ATP5MG: variants seen among roughly 807,000 people sequenced by gnomAD.
The protein encoded by ATP5MG is ATP synthase F(0) complex subunit g, mitochondrial.
ATP5MG carries 7 observed loss-of-function variants against 12.7 expected under a neutral mutation model. The observed-to-expected ratio is 0.55, with a 90% CI of 0.31 to 1.04. ATP5MG has a LOEUF of 1.04. ATP5MG is among the 50% of genes least tolerant of loss of function. The pLI is 0.05. For synonymous variants in ATP5MG, 53 were observed against 48.2 expected (o/e 1.10, Z -0.41); for missense variants, 116 against 126.7 (o/e 0.92, Z 0.41).
At chr11:118,401,885 C>T in intron 1 of ATP5MG, 168 bp downstream of exon 1, 1 of 729,766 alleles carries the variant, frequency 1.4e-6, no homozygotes, top group Non-Finnish European at 2.2e-6. Flanking sequence ...CTTTTCTAGC[C>T]TTCCACTCGT....
At chr11:118,408,420 G>A (rs1260648210) in intron 2 of ATP5MG, among the ~76,000 whole-genome samples, 8 of 152,108 alleles carry the variant, frequency 5.3e-5, no homozygotes, top group Admixed American at 5.2e-4. Flanking sequence ...CCATATTATT[G>A]CTCCATGTAT....
At chr11:118,405,401 C>G (rs9666463) in intron 1 of ATP5MG, among the ~76,000 whole-genome samples, 23,451 of 152,102 alleles carry the variant, frequency 0.15, 2,385 homozygotes, top group East Asian at 0.51. Flanking sequence ...CCTGTAACAT[C>G]ACTCAACCTC....
chr11:118,407,108 G>A lies in ATP5MG; in HGVS notation c.213+11G>A, dbSNP rs782432403. On this transcript the variant is annotated intron_variant, in intron 2 of 2. Transcript: ENST00000300688. The stretch of plus-strand genomic sequence containing the variant: ...CAGCTCACAGTTAAGGTAACCACGG[G>A]CTAAATGAAAACGGATGTGCATAAC... The A allele has an allele frequency of 3.7e-6, 6 of 1,613,626 alleles. No individual in the cohort carries two copies. The African/African-American group carries it at 8.0e-5, about 22-fold the overall frequency.
At position 118,406,977 on chromosome 11, in the gene ATP5MG, GT is replaced by G. The variant is rs1948977506; in HGVS notation, c.94del (p.Tyr32ThrfsTer22). On this transcript the variant is annotated frameshift_variant, in exon 2 of 3. Transcript: ENST00000300688. LOFTEE classifies it high-confidence loss of function. ...YSKPRLATFW[Y>X]YAKVELVPPT... is the part of the protein sequence containing the mutation. Reference sequence around the variant, plus strand: ...CGAAGCCTCGATTGGCCACATTTTGGTACTACGCCAAGGTTGAGCTGGTTCC... The same window carrying G: ...CGAAGCCTCGATTGGCCACATTTTGGACTACGCCAAGGTTGAGCTGGTTCC... The G allele has an allele frequency of 6.2e-7, 1 of 1,613,482 alleles. No homozygotes were observed. The highest frequency in any genetic ancestry group is 8.5e-7 in the Non-Finnish European group (1 of 1,179,742).
intron 1 of ATP5MG, among the ~76,000 whole-genome samples, chr11:118,403,160 T>C (rs1948943800): frequency 6.6e-6 from 1 of 152,222 alleles, no homozygotes; most frequent in African/African-American, 2.4e-5. Context: ...TTTACTAAGA[T>C]TGTTAAGATA....
intron 2 of ATP5MG, among the ~76,000 whole-genome samples, chr11:118,408,752 T>A (rs1948993068): frequency 6.6e-6 from 1 of 152,128 alleles, no homozygotes; most frequent in Non-Finnish European, 1.5e-5. Context: ...TAAAGAATGC[T>A]TTGAAAGAAT....
rs920968052 is a variant in ATP5MG at position 118,406,396 on chromosome 11, T to C, written c.53-541T>C. 3 of 154,114 alleles carry C rather than the reference T, an allele frequency of 1.9e-5. No homozygotes were observed. In the South Asian group the frequency reaches 6.0e-4, roughly 31 times the overall value. 9.5% of individuals were successfully genotyped at this position (154,114 alleles called of 1,614,324 possible). A position where few individuals can be genotyped will look rare whatever the true frequency, so the allele number is the denominator to read the frequency against. On this transcript the variant is annotated intron_variant, in intron 1 of 2. Coordinates refer to ENST00000300688, the MANE Select transcript of ATP5MG (RefSeq NM_006476.5). ...CAGCTGTGCTTTTGTCAGAGAAACA[T>C]TTAATCCAGCACATATTGATGAGGA...
chr11:118,408,128 C>T (rs1555132441), intron 2 of ATP5MG, among the ~76,000 whole-genome samples: 1 of 151,816 alleles, frequency 6.6e-6, no homozygotes, highest in East Asian at 1.9e-4. Context: ...CGCCACTGCA[C>T]TCCAGCCTGG....
intron 2 of ATP5MG, 156 bp downstream of exon 2, chr11:118,407,253 T>G: frequency 9.1e-7 from 1 of 1,103,194 alleles, no homozygotes; most frequent in Non-Finnish European, 1.3e-6. Context: ...TACTTACTTT[T>G]CTAATTTTGT....
chr11:118,404,387 T>C (rs1355437672), intron 1 of ATP5MG, among the ~76,000 whole-genome samples: 1 of 152,228 alleles, frequency 6.6e-6, no homozygotes, highest in Non-Finnish European at 1.5e-5. Context: ...TTAGTTTCTA[T>C]GTCTTCCCAA....
At chr11:118,406,455 C>T (rs2134127940) in intron 1 of ATP5MG, 1 of 165,308 alleles carries the variant, frequency 6.0e-6, no homozygotes, top group East Asian at 1.6e-4. Context: ...TTAATTCCAT[C>T]TGGATTTGTG....
intron 2 of ATP5MG, chr11:118,407,355 T>C (rs1256210053): frequency 6.7e-6 from 3 of 450,694 alleles, no homozygotes; most frequent in African/African-American, 6.0e-5. Context: ...TTGGGAAATT[T>C]TTTTTCCTTT....
In ATP5MG at chr11:118,409,305, A is replaced by G. The variant is rs782311291; in HGVS notation, c.*207A>G. 1 of 279,598 alleles carries G rather than the reference A, an allele frequency of 3.6e-6. No individual in the cohort carries two copies. Among genetic ancestry groups the G allele is most frequent in the Non-Finnish European group, 6.7e-6 (1 of 148,584 alleles). 17.3% of individuals were successfully genotyped at this position (279,598 alleles called of 1,614,324 possible). A position where few individuals can be genotyped will look rare whatever the true frequency, so the allele number is the denominator to read the frequency against. On this transcript the variant is annotated 3_prime_UTR_variant, in exon 3 of 3. Coordinates refer to ENST00000300688, the MANE Select transcript of ATP5MG (RefSeq NM_006476.5). ...TAAATACACGTCTGTTTAGCCCGCA[A>G]TTGGAAAGGATATATGTGGCAATAT...
chr11:118,408,625 G>A (rs1338639662), intron 2 of ATP5MG, among the ~76,000 whole-genome samples: 2 of 152,122 alleles, frequency 1.3e-5, no homozygotes, highest in Non-Finnish European at 2.9e-5. Context: ...CAGAGACTCG[G>A]CCTTCCTATA....
chr11:118,407,271 G>T, intron 2 of ATP5MG, 174 bp downstream of exon 2: 2 of 996,510 alleles, frequency 2.0e-6, no homozygotes, highest in South Asian at 1.8e-5. Flanking sequence ...TGTCACCTGG[G>T]TAGAAATAAT....
chr11:118,406,803 G>C, intron 1 of ATP5MG, 134 bp from the exon 2 acceptor site: 1 of 1,337,130 alleles, frequency 7.5e-7, no homozygotes, highest in Non-Finnish European at 1.0e-6. Flanking sequence ...TTTTCACACC[G>C]GGTGCACATT....
chr11:118,405,399 A>G (rs1948963850), intron 1 of ATP5MG, among the ~76,000 whole-genome samples: 1 of 152,188 alleles, frequency 6.6e-6, no homozygotes, highest in Non-Finnish European at 1.5e-5. Context: ...TACCTGTAAC[A>G]TCACTCAACC....
intron 1 of ATP5MG, among the ~76,000 whole-genome samples, chr11:118,403,495 CA>C (rs1202269527): frequency 1.0e-3 from 112 of 112,364 alleles, no homozygotes; most frequent in Admixed American, 8.4e-4. Context: ...GGCTAGGTCT[CA>C]AAAAAAAAAA....
Position 118,409,270 on chromosome 11 carries a change from T to A in ATP5MG, c.*172T>A. On this transcript the variant is annotated 3_prime_UTR_variant, in exon 3 of 3. Transcript: ENST00000300688. ...TCTTGATATTAAGCTGGGTTGTCTT[T>A]AAACAACCCTAAATACACGTCTGTT... The A allele has an allele frequency of 2.7e-6, 1 of 367,292 alleles. No individual in the cohort carries two copies. Among genetic ancestry groups the A allele is most frequent in the South Asian group, 4.4e-5 (1 of 22,654 alleles). The allele number at this position is 367,292 out of a possible 1,614,324, so 22.8% of individuals were successfully genotyped here. A position where few individuals can be genotyped will look rare whatever the true frequency, so the allele number is the denominator to read the frequency against.
Sources: gnomAD v4.1 joint callset for allele counts (sites outside exome capture counted in the v4.1 genomes callset) on GRCh38, gnomAD v4.1.1 for gene constraint, MANE v1.5 for transcripts, NCBI Gene and HGNC (gene_info 2026-07-23, HGNC 2026-07-21) for gene names.